CLASP1: variants seen among roughly 807,000 people sequenced by gnomAD.
CLASP1 encodes the protein cytoplasmic linker associated protein 1.
In CLASP1, 38 loss-of-function variants were observed where a neutral mutation model predicts 192.3. The ratio of observed to expected loss-of-function variants is 0.20; its 90% CI spans 0.15 to 0.26. The LOEUF is 0.26. Ranked by LOEUF, CLASP1 falls within the 10% of genes least tolerant of loss-of-function variation. The pLI is 1.00. For missense variants in CLASP1, 1,433 were observed against 1,932.5 expected, an observed-to-expected ratio of 0.74 and a Z score of 4.85; for synonymous variants, 691 against 712.8, an observed-to-expected ratio of 0.97 and a Z score of 0.49.
intron 2 of CLASP1, among the ~76,000 whole-genome samples, chr2:121,544,439 C>CA (rs11293204): frequency 0.089 from 7,176 of 80,632 alleles, 219 homozygotes; most frequent in East Asian, 0.2. Context: ...AAAATATATA[C>CA]AAAAAAAAAA....
chr2:121,635,104 G>A (rs572887621), intron 1 of CLASP1, among the ~76,000 whole-genome samples: 3 of 152,040 alleles, frequency 2.0e-5, no homozygotes, highest in Admixed American at 6.6e-5. Flanking sequence ...CACTTTAGGA[G>A]GCTGAAGAGG....
chr2:121,466,545 G>A (rs1314315121), intron 9 of CLASP1, among the ~76,000 whole-genome samples: 1 of 152,100 alleles, frequency 6.6e-6, no homozygotes, highest in East Asian at 1.9e-4. Flanking sequence ...ACCACCAACT[G>A]CTCAAAGCTC....
intron 1 of CLASP1, among the ~76,000 whole-genome samples, chr2:121,624,868 T>C (rs2068030766): frequency 1.3e-5 from 2 of 152,268 alleles, no homozygotes; most frequent in Admixed American, 6.5e-5. Context: ...ATGATATATT[T>C]TGCCTTTATC....
rs2084121662 is a variant in CLASP1 at position 121,445,326 on chromosome 2, T to C, written c.1912+2011A>G. The C allele has an allele frequency of 8.8e-6, 4 of 455,472 alleles. No individual in the cohort carries two copies. The Admixed American group carries it at 9.4e-5, about 11-fold the overall frequency. 28.2% of individuals were successfully genotyped at this position (455,472 alleles called of 1,614,324 possible). A position where few individuals can be genotyped will look rare whatever the true frequency, so the allele number is the denominator to read the frequency against. On this transcript the variant is annotated intron_variant, in intron 19 of 39. Transcript: ENST00000263710. ...GCAGAACAGGGCAGAGAGGAGGAAC[T>C]AGAAGCTAAAATACTAAAGAGTTAC... is the stretch of plus-strand genomic sequence containing the variant.
At chr2:121,409,374 C>T (rs749802975) in intron 24 of CLASP1, among the ~76,000 whole-genome samples, 44 of 152,212 alleles carry the variant, frequency 2.9e-4, no homozygotes, top group Non-Finnish European at 4.9e-4. Flanking sequence ...TGTCTGGCGC[C>T]GTGGTGTCTA....
chr2:121,534,274 A>G (rs1294965777), intron 2 of CLASP1, among the ~76,000 whole-genome samples: 1 of 152,158 alleles, frequency 6.6e-6, no homozygotes, highest in Non-Finnish European at 1.5e-5. Context: ...CCCCTACCAC[A>G]TGTGCTGGAA....
At chr2:121,354,801 G>A (rs2065095660) in intron 37 of CLASP1, among the ~76,000 whole-genome samples, 1 of 152,100 alleles carries the variant, frequency 6.6e-6, no homozygotes, top group Non-Finnish European at 1.5e-5. Flanking sequence ...TGGGTGGAAA[G>A]AACACGGCTC....
intron 2 of CLASP1, among the ~76,000 whole-genome samples, chr2:121,575,980 C>T (rs1316599164): frequency 1.3e-5 from 2 of 152,190 alleles, no homozygotes; most frequent in African/African-American, 4.8e-5. Flanking sequence ...ATGACACAGG[C>T]CAAAGCTAAC....
Position 121,347,580 on chromosome 2 carries a change from C to T in CLASP1, c.4414-426G>A, listed in dbSNP as rs114582973. ...TTAAAGAAATGAGAACATCATCACT[C>T]GCTCTTGTGAGCAAAACCCCTCTAC... is the stretch of plus-strand genomic sequence containing the variant. On this transcript the variant is annotated intron_variant, in intron 38 of 39. Transcript: ENST00000263710. Among the ~76,000 whole-genome samples the T allele has an allele frequency of 4.9e-3, 751 of 152,344 alleles. 9 individuals carry two copies. The highest frequency in any genetic ancestry group is 0.018 in the African/African-American group (728 of 41,580).
chr2:121,487,835 C>A (rs555567576), intron 8 of CLASP1, among the ~76,000 whole-genome samples: 1 of 152,236 alleles, frequency 6.6e-6, no homozygotes. Flanking sequence ...TCTCCATTTA[C>A]ACACTTTTCA....
intron 19 of CLASP1, among the ~76,000 whole-genome samples, chr2:121,431,112 C>G (rs527715182): frequency 1.3e-5 from 2 of 152,000 alleles, no homozygotes; most frequent in African/African-American, 4.8e-5. Context: ...ATCACTTCTA[C>G]CCCCACAAGC....
intron 36 of CLASP1, 194 bp downstream of exon 37, chr2:121,364,900 G>A: frequency 3.3e-6 from 2 of 614,928 alleles, no homozygotes; most frequent in Non-Finnish European, 5.8e-6. Context: ...AAGCCAAGCA[G>A]CAGCTTGTTG....
intron 32 of CLASP1, among the ~76,000 whole-genome samples, chr2:121,385,476 A>G (rs185546417): frequency 2.6e-5 from 4 of 152,246 alleles, no homozygotes; most frequent in Admixed American, 2.6e-4. Flanking sequence ...GAGGCCAATT[A>G]AGAAGGAATA....
intron 8 of CLASP1, chr2:121,470,272 C>T (rs745739261): frequency 2.1e-6 from 1 of 485,770 alleles, no homozygotes; most frequent in Admixed American, 2.3e-5. Context: ...TCACATTCTG[C>T]AACATTTCTG....
At chr2:121,598,571 T>C (rs2063412470) in intron 2 of CLASP1, among the ~76,000 whole-genome samples, 1 of 152,212 alleles carries the variant, frequency 6.6e-6, no homozygotes, top group South Asian at 2.1e-4. Flanking sequence ...AGCAGCACTA[T>C]CCAGAAAATC....
chr2:121,523,475 T>C (rs1308760464), intron 6 of CLASP1, among the ~76,000 whole-genome samples: 1 of 152,188 alleles, frequency 6.6e-6, no homozygotes, highest in African/African-American at 2.4e-5. Flanking sequence ...ACCAAAGCTT[T>C]AGGGAACTTT....
intron 8 of CLASP1, among the ~76,000 whole-genome samples, chr2:121,479,024 A>ACACACCC (rs2092338013): frequency 1.5e-5 from 1 of 68,442 alleles, no homozygotes; most frequent in African/African-American, 7.4e-5. Context: ...CACCACACAC[A>ACACACCC]CACACACCCC....
intron 6 of CLASP1, among the ~76,000 whole-genome samples, chr2:121,517,857 GCTTT>G (rs2094347610): frequency 8.2e-5 from 5 of 60,632 alleles, no homozygotes; most frequent in Non-Finnish European, 1.3e-4. Context: ...CAAGACTCAA[GCTTT>G]TTTTTTTTTT....
At chr2:121,472,413 A>G (rs761482421) in intron 8 of CLASP1, among the ~76,000 whole-genome samples, 2 of 152,210 alleles carry the variant, frequency 1.3e-5, no homozygotes, top group Non-Finnish European at 2.9e-5. Context: ...CTGTTCAGCT[A>G]ATTTGCATAA....
Sources: gnomAD v4.1 joint callset for allele counts (sites outside exome capture counted in the v4.1 genomes callset) on GRCh38, gnomAD v4.1.1 for gene constraint, MANE v1.5 for transcripts, NCBI Gene and HGNC (gene_info 2026-07-23, HGNC 2026-07-21) for gene names.